The following ANO6 variants were observed in gnomAD, a reference collection of about 807,000 sequenced individuals.
The protein encoded by ANO6 is anoctamin-6.
ANO6 carries 106 observed loss-of-function variants against 117.5 expected under a neutral mutation model. That is an observed-to-expected ratio of 0.90 (90% CI 0.77 to 1.06). ANO6 has a LOEUF of 1.06. Ranked by LOEUF, ANO6 falls within the 50% of genes least tolerant of loss-of-function variation. The pLI, the probability that ANO6 is intolerant of heterozygous loss-of-function variation, is 0.00. For missense variants in ANO6, 955 were observed against 1,121.1 expected (o/e 0.85, Z 2.12); for synonymous variants, 367 against 385.1 (o/e 0.95, Z 0.55).
chr12:45,296,922 T>G (rs770278673), intron 1 of ANO6, among the ~76,000 whole-genome samples: 1 of 152,252 alleles, frequency 6.6e-6, no homozygotes, highest in Non-Finnish European at 1.5e-5. Flanking sequence ...TACATGAACT[T>G]AATTTGTATT....
chr12:45,294,882 C>A (rs1002530449), intron 1 of ANO6, among the ~76,000 whole-genome samples: 77 of 152,086 alleles, frequency 5.1e-4, no homozygotes, highest in African/African-American at 1.6e-3. Flanking sequence ...CCTAATGAGG[C>A]AAAGGATGAT....
In ANO6 at chr12:45,431,580, G is replaced by A; in HGVS notation, c.*2269G>A. The A allele has an allele frequency of 1.0e-6, 1 of 985,456 alleles. No homozygotes were observed. The highest frequency in any genetic ancestry group is 1.2e-6 in the Non-Finnish European group (1 of 829,938). 61.0% of individuals were successfully genotyped at this position (985,456 alleles called of 1,614,324 possible). On this transcript the variant is annotated 3_prime_UTR_variant, in exon 20 of 20. Coordinates refer to ENST00000320560, the MANE Select transcript of ANO6 (RefSeq NM_001025356.3). ...TTGAAAGGCACCAAATGTAATATCT[G>A]ACACTGTTAAGATGCCCAAAAGAGC...
intron 2 of ANO6, among the ~76,000 whole-genome samples, chr12:45,312,252 A>G (rs1161805149): frequency 6.6e-6 from 1 of 152,108 alleles, no homozygotes; most frequent in Non-Finnish European, 1.5e-5. Flanking sequence ...CATAATCACA[A>G]TAATGGCCAG....
At position 45,432,263 on chromosome 12, in the gene ANO6, CTT is replaced by C. The variant is rs1943651271; in HGVS notation, c.*2955_*2956del. ...GTTAATTTCTGTGCATTTTAATATT[CTT>C]TTATAATTATTAATGTTAATTTCTG... is the stretch of plus-strand genomic sequence containing the variant. On this transcript the variant is annotated 3_prime_UTR_variant, in exon 20 of 20. Transcript: ENST00000320560. 1.1e-6 allele frequency: 1 copy of C among 948,390 alleles called. No homozygotes were observed. Among genetic ancestry groups the C allele is most frequent in the Admixed American group, 6.2e-5 (1 of 16,210 alleles). The allele number at this position is 948,390 out of a possible 1,614,324, so 58.7% of individuals were successfully genotyped here.
At chr12:45,250,794 T>A (rs1488589480) in intron 1 of ANO6, among the ~76,000 whole-genome samples, 2 of 146,304 alleles carry the variant, frequency 1.4e-5, no homozygotes, top group African/African-American at 5.0e-5. Flanking sequence ...AGACAGTGTC[T>A]CACTATGTTG....
chr12:45,423,071 A>C lies in ANO6; in HGVS notation c.2526+9A>C. On this transcript the variant is annotated intron_variant, in intron 19 of 19. Transcript: ENST00000320560. ...TTATCATTGTCATGGAGGTAGGAAA[A>C]GTATGCTTTCAAACAGTTTATAAGG... 6.3e-7 allele frequency: 1 copy of C among 1,594,978 alleles called. No homozygotes were observed. The highest frequency in any genetic ancestry group is 2.2e-5 in the East Asian group (1 of 44,788).
intron 2 of ANO6, among the ~76,000 whole-genome samples, chr12:45,330,568 A>C (rs1940629786): frequency 6.6e-6 from 1 of 152,142 alleles, no homozygotes; most frequent in Non-Finnish European, 1.5e-5. Context: ...CCATATGTTC[A>C]CAGGTATTTT....
chr12:45,239,770 C>A (rs1947709123), intron 1 of ANO6, among the ~76,000 whole-genome samples: 2 of 151,898 alleles, frequency 1.3e-5, no homozygotes, highest in Admixed American at 6.6e-5. Flanking sequence ...TTTCTGCCTT[C>A]ATTTTGTTAC....
chr12:45,302,287 A>G (rs560153075), intron 2 of ANO6, among the ~76,000 whole-genome samples, 194 bp downstream of exon 2: 1 of 152,296 alleles, frequency 6.6e-6, no homozygotes, highest in South Asian at 2.1e-4. Context: ...TGTAAGCATC[A>G]TGGTCTATAG....
intron 1 of ANO6, among the ~76,000 whole-genome samples, chr12:45,299,676 A>G (rs972210009): frequency 3.6e-4 from 55 of 151,714 alleles, no homozygotes; most frequent in African/African-American, 1.3e-3. Context: ...TATGGTGAAA[A>G]CGCTTCTCTA....
At chr12:45,238,903 G>C (rs1947691752) in intron 1 of ANO6, among the ~76,000 whole-genome samples, 2 of 152,228 alleles carry the variant, frequency 1.3e-5, no homozygotes, top group African/African-American at 4.8e-5. Context: ...ATTTGATCAT[G>C]TTGGATAAGC....
intron 18 of ANO6, among the ~76,000 whole-genome samples, chr12:45,422,009 A>G (rs188496561): frequency 1.9e-4 from 29 of 152,356 alleles, no homozygotes; most frequent in Non-Finnish European, 4.4e-5. Context: ...TGATGCAACC[A>G]GGAAACCAGA....
Position 45,257,207 on chromosome 12 carries a change from T to C in ANO6, c.70+40816T>C, listed in dbSNP as rs73293371. Among the ~76,000 whole-genome samples, 650 of 152,328 alleles carry C rather than the reference T, an allele frequency of 4.3e-3. 2 individuals carry two copies. The highest frequency in any genetic ancestry group is 0.015 in the African/African-American group (615 of 41,572). ...ACCTTGGTTGGCTTCTGTTCTCACATTTCTTGCATGTTTTCTGAGGGCAGT... is the reference window on the plus strand; with the variant it reads ...ACCTTGGTTGGCTTCTGTTCTCACACTTCTTGCATGTTTTCTGAGGGCAGT... On this transcript the variant is annotated intron_variant, in intron 1 of 19. Transcript: ENST00000320560.
At chr12:45,369,223 A>G (rs950617966) in intron 9 of ANO6, among the ~76,000 whole-genome samples, 4 of 152,318 alleles carry the variant, frequency 2.6e-5, no homozygotes, top group African/African-American at 9.6e-5. Context: ...ACACAGAGTA[A>G]AAGACTTGAA....
At position 45,386,790 on chromosome 12, in the gene ANO6, G is replaced by A. The variant is rs141347894; in HGVS notation, c.1166-1371G>A. On this transcript the variant is annotated intron_variant, in intron 10 of 19. Transcript: ENST00000320560. ...GAAAGTACCTGGCCCTCTGGCCTCC[G>A]TGCCTTTGCATGCGCAGCTCCCTGG... Among the ~76,000 whole-genome samples, 37 of 152,306 alleles carry A rather than the reference G, an allele frequency of 2.4e-4. No individual in the cohort carries two copies. The East Asian group carries it at 6.2e-3, about 25-fold the overall frequency.
chr12:45,364,538 G>A (rs190074813), intron 8 of ANO6, among the ~76,000 whole-genome samples: 10 of 152,166 alleles, frequency 6.6e-5, no homozygotes, highest in Admixed American at 5.9e-4. Context: ...AATATTCCTA[G>A]CTTTCAATTT....
rs144296424 is a variant in ANO6 at position 45,316,351 on chromosome 12, G to T, written c.150+14258G>T. On this transcript the variant is annotated intron_variant, in intron 2 of 19. Coordinates refer to ENST00000320560, the MANE Select transcript of ANO6 (RefSeq NM_001025356.3). The stretch of plus-strand genomic sequence containing the variant: ...AGTGACATTTAAGGAGAAGTATAAG[G>T]TGTGCTGTGAGCATATAAGGAGTAA... Among the ~76,000 whole-genome samples the T allele has an allele frequency of 2.0e-4, 31 of 152,202 alleles. No homozygotes were observed. In the East Asian group the frequency reaches 5.8e-3, roughly 28 times the overall value.
intron 1 of ANO6, among the ~76,000 whole-genome samples, chr12:45,271,871 T>C (rs1239027058): frequency 6.6e-6 from 1 of 152,192 alleles, no homozygotes; most frequent in Non-Finnish European, 1.5e-5. Context: ...GATGTTAAGA[T>C]GGTGCAAACA....
At position 45,331,361 on chromosome 12, in the gene ANO6, C is replaced by T; in HGVS notation, c.217C>T (p.Leu73=). 6.2e-7 allele frequency: 1 copy of T among 1,609,176 alleles called. No homozygotes were observed. Among genetic ancestry groups the T allele is most frequent in the East Asian group, 2.2e-5 (1 of 44,668 alleles). The stretch of plus-strand genomic sequence containing the variant: ...TGGCCAGCGAAGAATTGACTTTGTT[C>T]TAGTATATGAGGATGAAAGCAGAAA... ...NDGQRRIDFV[L]VYEDESRKET... Residue 73 remains leucine, a synonymous_variant, in exon 3 of 20, where the codon CTA becomes TTA. Coordinates refer to ENST00000320560, the MANE Select transcript of ANO6 (RefSeq NM_001025356.3).
Sources: gnomAD v4.1 joint callset for allele counts (sites outside exome capture counted in the v4.1 genomes callset) on GRCh38, gnomAD v4.1.1 for gene constraint, MANE v1.5 for transcripts, NCBI Gene and HGNC (gene_info 2026-07-23, HGNC 2026-07-21) for gene names.